The following NBAS variants were observed in gnomAD, a reference collection of about 807,000 sequenced individuals.
NBAS encodes NBAS subunit of NRZ tethering complex.
In NBAS, 219 loss-of-function variants were observed where a neutral mutation model predicts 302.5. The observed-to-expected ratio is 0.72, with a 90% confidence interval of 0.65 to 0.81. NBAS has a LOEUF of 0.81. Among genes scored for constraint, NBAS ranks in the 30% least tolerant of loss-of-function variants. The pLI is 0.00. For missense variants in NBAS, 2,932 were observed against 2,841.6 expected (o/e 1.03, Z -0.72); for synonymous variants, 1,118 against 1,021.6 (o/e 1.09, Z -1.80).
At chr2:15,201,373 AG>A (rs1665870459) in intron 48 of NBAS, among the ~76,000 whole-genome samples, 1 of 152,232 alleles carries the variant, frequency 6.6e-6, no homozygotes, top group African/African-American at 2.4e-5. Context: ...TGCCTGTTAA[AG>A]CCACTTCTTT....
chr2:15,521,862 A>T (rs1662689384), intron 9 of NBAS, among the ~76,000 whole-genome samples: 1 of 152,292 alleles, frequency 6.6e-6, no homozygotes, highest in Admixed American at 6.5e-5. Flanking sequence ...TGTGAATTTT[A>T]TATGTAGTCA....
At chr2:14,820,403 C>T in the NBAS span, among the ~76,000 whole-genome samples, 77 of 152,218 alleles carry the variant, frequency 5.1e-4, 1 homozygote, top group African/African-American at 1.7e-3. Flanking sequence ...TAAGTGAAAT[C>T]AGCCAGACAC....
the NBAS span, among the ~76,000 whole-genome samples, chr2:15,102,120 C>A: frequency 1.3e-5 from 2 of 152,200 alleles, no homozygotes; most frequent in African/African-American, 4.8e-5. Context: ...TAAGCTAGGG[C>A]AGTTCTGAGG....
the NBAS span, among the ~76,000 whole-genome samples, chr2:14,966,503 G>A: frequency 1.3e-4 from 20 of 152,118 alleles, no homozygotes; most frequent in East Asian, 5.8e-4. Context: ...ACTAAAAGTC[G>A]CCCTCCATAT....
chr2:15,528,881 ATAT>A (rs1663071555), intron 9 of NBAS, among the ~76,000 whole-genome samples: 2 of 48,084 alleles, frequency 4.2e-5, no homozygotes, highest in African/African-American at 1.2e-4. Flanking sequence ...AAAAAAAAAT[ATAT>A]ATATATATAT....
the NBAS span, among the ~76,000 whole-genome samples, chr2:14,946,633 T>G: frequency 6.6e-6 from 1 of 152,100 alleles, no homozygotes; most frequent in Non-Finnish European, 1.5e-5. Context: ...GGACACATCA[T>G]CCAGACAGAA....
At chr2:14,976,051 C>T in the NBAS span, among the ~76,000 whole-genome samples, 1 of 152,192 alleles carries the variant, frequency 6.6e-6, no homozygotes, top group Non-Finnish European at 1.5e-5. Context: ...AACAGCACTA[C>T]ACTATGATCC....
the NBAS span, among the ~76,000 whole-genome samples, chr2:14,907,071 A>G: frequency 2.6e-5 from 4 of 152,096 alleles, no homozygotes; most frequent in African/African-American, 9.7e-5. Context: ...CTTGTACCCA[A>G]TGCATTTGCT....
At chr2:14,783,873 C>T in the NBAS span, among the ~76,000 whole-genome samples, 4 of 150,268 alleles carry the variant, frequency 2.7e-5, no homozygotes, top group South Asian at 2.1e-4. Flanking sequence ...ATTTCTAGTT[C>T]TAGATCCCTG....
the NBAS span, among the ~76,000 whole-genome samples, chr2:14,942,795 C>G: frequency 1.3e-5 from 2 of 152,210 alleles, no homozygotes; most frequent in Admixed American, 6.5e-5. Context: ...AGAGGCTCAA[C>G]TCATCACAGC....
At chr2:14,831,343 A>T in the NBAS span, among the ~76,000 whole-genome samples, 1 of 152,200 alleles carries the variant, frequency 6.6e-6, no homozygotes, top group Non-Finnish European at 1.5e-5. Context: ...TTTATTACTC[A>T]TTCGTGGGGA....
At chr2:15,427,926 T>C in intron 21 of NBAS, 132 bp from the exon 22 acceptor site, 1 of 713,012 alleles carries the variant, frequency 1.4e-6, no homozygotes, top group Admixed American at 2.1e-5. Context: ...TTTTAAGTGG[T>C]ACAGGATACA....
At position 15,287,133 on chromosome 2, in the gene NBAS, T is replaced by C. The variant is rs1480328781; in HGVS notation, c.5078A>G (p.Tyr1693Cys). ...YSIAISLAQR[Y>C]SVSRWEVFMT... is the part of the protein sequence containing the mutation. ...AAAAACTTCCCAGCGGGAGACACTG[T>C]AACGTTGTGCCAGAGAAATAGCAAT... The change falls in exon 42 of 52, where the codon TAC becomes TGC. Residue 1693 changes from tyrosine to cysteine, a missense_variant. Transcript: ENST00000281513. 1 of 1,614,038 alleles carries C rather than the reference T, an allele frequency of 6.2e-7. No homozygotes were observed. The highest frequency in any genetic ancestry group is 1.6e-4 in the Middle Eastern group (1 of 6,062).
chr2:15,286,448 A>G (rs529523911), intron 42 of NBAS, among the ~76,000 whole-genome samples: 1 of 152,278 alleles, frequency 6.6e-6, no homozygotes, highest in South Asian at 2.1e-4. Context: ...TAGGGCCTCC[A>G]CAATCTTGCT....
At chr2:15,240,591 T>A (rs913490290) in intron 44 of NBAS, among the ~76,000 whole-genome samples, 7 of 152,070 alleles carry the variant, frequency 4.6e-5, no homozygotes, top group Admixed American at 2.6e-4. Context: ...CACTCCAGAC[T>A]GGGAGACAAA....
intron 9 of NBAS, among the ~76,000 whole-genome samples, chr2:15,524,076 T>C (rs1662804952): frequency 6.6e-6 from 1 of 152,230 alleles, no homozygotes; most frequent in African/African-American, 2.4e-5. Context: ...ATTTACATCA[T>C]CTTATTTGTT....
At chr2:14,950,680 T>C in the NBAS span, among the ~76,000 whole-genome samples, 92,957 of 152,044 alleles carry the variant, frequency 0.61, 29,831 homozygotes, top group African/African-American at 0.82. Flanking sequence ...TAAGTAGAAG[T>C]AGGTGCTATT....
At chr2:15,527,287 G>A (rs1662956073) in intron 9 of NBAS, among the ~76,000 whole-genome samples, 1 of 152,222 alleles carries the variant, frequency 6.6e-6, no homozygotes, top group Admixed American at 6.5e-5. Flanking sequence ...AAGGTATACA[G>A]TACATATTCC....
the NBAS span, among the ~76,000 whole-genome samples, chr2:14,816,551 T>C: frequency 6.6e-6 from 1 of 152,206 alleles, no homozygotes; most frequent in African/African-American, 2.4e-5. Flanking sequence ...TGTACTTTAC[T>C]CTTATCAATC....
Sources: gnomAD v4.1 joint callset for allele counts (sites outside exome capture counted in the v4.1 genomes callset) on GRCh38, gnomAD v4.1.1 for gene constraint, MANE v1.5 for transcripts, NCBI Gene and HGNC (gene_info 2026-07-23, HGNC 2026-07-21) for gene names.